Variants in TRA2A observed in about 807,000 individuals in gnomAD.
TRA2A encodes transformer-2 protein homolog alpha.
A neutral mutation model predicts 45.7 loss-of-function variants in TRA2A; 31 were observed. The ratio of observed to expected loss-of-function variants is 0.68; its 90% CI spans 0.51 to 0.92. TRA2A has a LOEUF of 0.92. Ranked by LOEUF, TRA2A falls within the 40% of genes least tolerant of loss-of-function variation. The probability of loss-of-function intolerance (pLI) is 0.00; values close to 1 mark genes in which losing one functional copy is unlikely to be tolerated. For missense variants in TRA2A, 304 were observed against 367.5 expected, an observed-to-expected ratio of 0.83 and a Z score of 1.41; for synonymous variants, 132 against 126.2, an observed-to-expected ratio of 1.05 and a Z score of -0.31.
chr7:23,521,536 C>T (rs763359306), intron 2 of TRA2A, among the ~76,000 whole-genome samples, 171 bp downstream of exon 2: 30 of 152,164 alleles, frequency 2.0e-4, no homozygotes, highest in Non-Finnish European at 3.8e-4. Context: ...TGGGCTCAAG[C>T]CATACTTCCA....
At chr7:23,525,452 C>T (rs1185058316) in intron 1 of TRA2A, among the ~76,000 whole-genome samples, 2 of 152,112 alleles carry the variant, frequency 1.3e-5, no homozygotes, top group Non-Finnish European at 1.5e-5. Flanking sequence ...ATACACTGCC[C>T]GGTTTAAATG....
chr7:23,527,392 A>T (rs942189961), intron 1 of TRA2A, among the ~76,000 whole-genome samples: 1 of 151,970 alleles, frequency 6.6e-6, no homozygotes, highest in African/African-American at 2.4e-5. Context: ...AGTTGTTACT[A>T]TTTTTTTCAC....
At chr7:23,516,325 A>C (rs756936475) in intron 3 of TRA2A, 38 bp downstream of exon 3, 1 of 1,608,816 alleles carries the variant, frequency 6.2e-7, no homozygotes, top group Non-Finnish European at 8.5e-7. Flanking sequence ...CACATAAAAG[A>C]GAAAATAAGT....
chr7:23,505,804 T>C lies in TRA2A; in HGVS notation c.780A>G (p.Ser260=). 6.5e-7 allele frequency: 1 copy of C among 1,545,140 alleles called. No homozygotes were observed. The highest frequency in any genetic ancestry group is 8.7e-7 in the Non-Finnish European group (1 of 1,149,084). Residue 260 remains serine (S), a synonymous_variant, in exon 7 of 8, where the codon TCA becomes TCG. Transcript: ENST00000297071. ...TATATCGACTATAATAAGGAGAAGG[T>C]GATCGTCTTCTGTAAGAAATGAAAG... The part of the protein sequence containing the change: ...EDYDYRYRRR[S]PSPYYSRYRS...
At chr7:23,506,113 C>A in intron 6 of TRA2A, 25 bp downstream of exon 6, 1 of 1,583,498 alleles carries the variant, frequency 6.3e-7, no homozygotes, top group Non-Finnish European at 8.6e-7. Flanking sequence ...TAATTTAGAA[C>A]AGAAAGCTCA....
rs543192121 is a variant in TRA2A, at chr7:23,529,556, C to T, written c.36+2233G>A. On this transcript the variant is annotated intron_variant, in intron 1 of 7. Coordinates refer to ENST00000297071, the MANE Select transcript of TRA2A (RefSeq NM_013293.5). ...GATTACAGGCGTGAGCCACTGCGCC[C>T]GGCCAGAAACGATTTTAAAAAGGGC... 3.7e-4 allele frequency among the ~76,000 whole-genome samples: 57 copies of T among 152,242 alleles called. 2 individuals are homozygous for T. Among genetic ancestry groups the T allele is most frequent in the African/African-American group, 1.4e-3 (57 of 41,544 alleles).
rs557723883 is a variant in TRA2A, at chr7:23,525,228, G to A, written c.37-3388C>T. The stretch of plus-strand genomic sequence containing the variant: ...AGGCTAATCCTTTTCTCTCTGACTC[G>A]TCTTCATTATGAAATAATTTCAACT... On this transcript the variant is annotated intron_variant, in intron 1 of 7. Transcript: ENST00000297071. Among the ~76,000 whole-genome samples the A allele has an allele frequency of 4.7e-4, 71 of 152,196 alleles. No homozygotes were observed. In the South Asian group the frequency reaches 6.2e-3, roughly 13 times the overall value.
intron 4 of TRA2A, among the ~76,000 whole-genome samples, chr7:23,510,246 T>C (rs896621187): frequency 6.6e-6 from 1 of 152,158 alleles, no homozygotes; most frequent in Non-Finnish European, 1.5e-5. Flanking sequence ...AGTAACATAT[T>C]GTCACCTAGT....
At position 23,531,940 on chromosome 7, in the gene TRA2A, C is replaced by A; in HGVS notation, c.-116G>T. On this transcript the variant is annotated 5_prime_UTR_variant, in exon 1 of 8. Coordinates refer to ENST00000297071, the MANE Select transcript of TRA2A (RefSeq NM_013293.5). ...AGAGGAAAGAGTCGGCAACCACAGC[C>A]GCTCCACTCCACTCCCACTCGGTCG... 2.7e-6 allele frequency: 3 copies of A among 1,124,240 alleles called. No homozygotes were observed. Among genetic ancestry groups the A allele is most frequent in the Admixed American group, 4.0e-5 (2 of 50,616 alleles). 69.6% of individuals were successfully genotyped at this position (1,124,240 alleles called of 1,614,324 possible).
chr7:23,517,620 C>CA (rs939314857), intron 2 of TRA2A, among the ~76,000 whole-genome samples: 7 of 142,148 alleles, frequency 4.9e-5, no homozygotes, highest in Admixed American at 2.1e-4. Flanking sequence ...CAAAACAAAA[C>CA]AAAAAAAATC....
chr7:23,527,185 T>C (rs988482261), intron 1 of TRA2A, among the ~76,000 whole-genome samples: 2 of 152,144 alleles, frequency 1.3e-5, no homozygotes, highest in African/African-American at 4.8e-5. Context: ...AGGGTCCTGG[T>C]TTCAAGGAAA....
At chr7:23,511,151 C>T (rs1789582848) in intron 4 of TRA2A, among the ~76,000 whole-genome samples, 1 of 151,724 alleles carries the variant, frequency 6.6e-6, no homozygotes, top group African/African-American at 2.4e-5. Context: ...GCGGGTGGAT[C>T]ACGAGGTCAG....
Position 23,505,179 on chromosome 7 carries a change from A to C in TRA2A, c.*380T>G. 5.4e-6 allele frequency: 1 copy of C among 186,868 alleles called. No homozygotes were observed. The highest frequency in any genetic ancestry group is 1.1e-5 in the Non-Finnish European group (1 of 91,742). 11.6% of individuals were successfully genotyped at this position (186,868 alleles called of 1,614,324 possible). A position where few individuals can be genotyped will look rare whatever the true frequency, so the allele number is the denominator to read the frequency against. On this transcript the variant is annotated 3_prime_UTR_variant, in exon 8 of 8. Transcript: ENST00000297071. ...AAAATAAAGTTAAAAAAAAAAAGGA[A>C]CTCATGATAAATGCAGATCTCTAAT...
intron 2 of TRA2A, among the ~76,000 whole-genome samples, chr7:23,520,986 C>A (rs1179550473): frequency 2.0e-5 from 3 of 152,176 alleles, no homozygotes; most frequent in East Asian, 3.8e-4. Flanking sequence ...AGCCACTGCA[C>A]CCAGCCTGTC....
At chr7:23,521,878 T>G in intron 1 of TRA2A, 38 bp from the exon 2 acceptor site, 1 of 1,612,874 alleles carries the variant, frequency 6.2e-7, no homozygotes, top group Non-Finnish European at 8.5e-7. Flanking sequence ...GCACTGGTCA[T>G]GTAGATGCCT....
chr7:23,506,781 A>G (rs1350844238), intron 5 of TRA2A, among the ~76,000 whole-genome samples: 1 of 152,048 alleles, frequency 6.6e-6, no homozygotes, highest in African/African-American at 2.4e-5. Context: ...TGTATATTTT[A>G]TTTTTATTTT....
intron 1 of TRA2A, among the ~76,000 whole-genome samples, chr7:23,530,072 A>G (rs1790508249): frequency 6.6e-6 from 1 of 152,120 alleles, no homozygotes; most frequent in Admixed American, 6.6e-5. Context: ...TCAATCCCCC[A>G]ATTTTTTAAC....
At chr7:23,515,139 C>T (rs1276601351) in intron 3 of TRA2A, among the ~76,000 whole-genome samples, 1 of 152,066 alleles carries the variant, frequency 6.6e-6, no homozygotes, top group African/African-American at 2.4e-5. Context: ...TCTTTGACCC[C>T]CTTACCCCAT....
intron 1 of TRA2A, among the ~76,000 whole-genome samples, chr7:23,528,673 CTT>C (rs943208013): frequency 6.9e-6 from 1 of 143,914 alleles, no homozygotes; most frequent in African/African-American, 2.5e-5. Context: ...ATTTGTTTGC[CTT>C]TTTTTTTTTC....
Sources: gnomAD v4.1 joint callset for allele counts (sites outside exome capture counted in the v4.1 genomes callset) on GRCh38, gnomAD v4.1.1 for gene constraint, MANE v1.5 for transcripts, NCBI Gene and HGNC (gene_info 2026-07-23, HGNC 2026-07-21) for gene names.